The following ANKHD1 variants were observed in gnomAD, a reference collection of about 807,000 sequenced individuals.
ANKHD1 encodes ankyrin repeat and KH domain containing 1.
In ANKHD1, 31 loss-of-function variants were observed where a neutral mutation model predicts 230.5. That is an observed-to-expected ratio of 0.13 (90% CI 0.10 to 0.18). The LOEUF is 0.18. ANKHD1 is among the 10% of genes least tolerant of loss of function. The pLI, the probability that ANKHD1 is intolerant of heterozygous loss-of-function variation, is 1.00. For missense variants in ANKHD1, 2,256 were observed against 3,071.3 expected (o/e 0.73, Z 6.27); for synonymous variants, 1,074 against 1,117.6 (o/e 0.96, Z 0.78).
At chr5:140,501,079 T>A (rs896678681) in intron 15 of ANKHD1, among the ~76,000 whole-genome samples, 9 of 151,602 alleles carry the variant, frequency 5.9e-5, no homozygotes, top group African/African-American at 2.2e-4. Flanking sequence ...TTGACTTTAA[T>A]ATTTTATTTA....
chr5:140,427,195 G>A (rs1435774386), intron 1 of ANKHD1, among the ~76,000 whole-genome samples: 1 of 149,542 alleles, frequency 6.7e-6, no homozygotes, highest in Admixed American at 6.6e-5. Context: ...CGGGCAGAGG[G>A]GCTCCTCACT....
intron 10 of ANKHD1, among the ~76,000 whole-genome samples, chr5:140,479,061 C>T (rs1248363652): frequency 2.6e-5 from 4 of 151,354 alleles, no homozygotes; most frequent in African/African-American, 7.3e-5. Flanking sequence ...TGCAGTGGCA[C>T]GATCTTGGCT....
intron 5 of ANKHD1, among the ~76,000 whole-genome samples, chr5:140,442,429 G>A (rs1430138612): frequency 6.6e-6 from 1 of 152,026 alleles, no homozygotes; most frequent in Non-Finnish European, 1.5e-5. Flanking sequence ...GGGGGAGGGA[G>A]GAGGGGATGT....
chr5:140,493,808 A>G (rs988009743), intron 14 of ANKHD1, among the ~76,000 whole-genome samples: 11 of 152,104 alleles, frequency 7.2e-5, no homozygotes, highest in African/African-American at 2.7e-4. Context: ...CTTGTGTTCC[A>G]CGCTTCTTGC....
rs762320630 is a variant in ANKHD1 at position 140,496,780 on chromosome 5, A to G, written c.2506A>G (p.Lys836Glu). Residue 836 changes from lysine (K) to glutamate (E), a missense_variant, in exon 15 of 34, where the codon AAA (lysine) becomes GAA (glutamate). By Grantham distance (56) the Lys-to-Glu change is moderately conservative (BLOSUM62 1). Transcript: ENST00000360839. ...EQVQKKKKIL[K>E]ELQKVERQLQ... Reference sequence around the variant, plus strand: ...AGTCCAGAAGAAGAAGAAAATATTGAAAGAACTGCAGAAAGTGGAAAGGCA... The same window carrying G: ...AGTCCAGAAGAAGAAGAAAATATTGGAAGAACTGCAGAAAGTGGAAAGGCA... 1 of 1,614,002 alleles carries G rather than the reference A, an allele frequency of 6.2e-7. No homozygotes were observed. Among genetic ancestry groups the G allele is most frequent in the Non-Finnish European group, 8.5e-7 (1 of 1,180,002 alleles).
At chr5:140,486,587 G>A (rs1452364408) in intron 13 of ANKHD1, 10 of 154,002 alleles carry the variant, frequency 6.5e-5, no homozygotes, top group Non-Finnish European at 8.7e-5. Context: ...CCCAATTGAA[G>A]AAATATATTA....
intron 14 of ANKHD1, among the ~76,000 whole-genome samples, chr5:140,494,432 T>G (rs1751937239): frequency 6.6e-6 from 1 of 152,096 alleles, no homozygotes; most frequent in South Asian, 2.1e-4. Flanking sequence ...CATAGCAAGA[T>G]CCCATCTCTT....
At chr5:140,534,944 G>T (rs1056541864) in intron 29 of ANKHD1, among the ~76,000 whole-genome samples, 1 of 152,218 alleles carries the variant, frequency 6.6e-6, no homozygotes, top group Non-Finnish European at 1.5e-5. Context: ...TATAGAAAAT[G>T]ACTATAGTTA....
chr5:140,436,168 T>G lies in ANKHD1; in HGVS notation c.371T>G (p.Ile124Arg). 6.2e-7 allele frequency: 1 copy of G among 1,610,282 alleles called. No homozygotes were observed. The highest frequency in any genetic ancestry group is 8.5e-7 in the Non-Finnish European group (1 of 1,178,292). ...CCAGTGCTTAAAACAACATCAGAGA[T>G]ATTCTTATCAAGTACTGCAGAAGGA... ...DNPVLKTTSE[I>R]FLSSTAEGAD... is the part of the protein sequence containing the mutation. The change falls in exon 2 of 34, where the codon ATA (isoleucine) becomes AGA (arginine). Residue 124 changes from isoleucine (I) to arginine (R), a missense_variant. Around this residue, in one of 13 missense-constraint regions of ANKHD1, gnomAD observed 193 missense variants for 185.8 expected, o/e 1.04. Coordinates refer to ENST00000360839, the MANE Select transcript of ANKHD1 (RefSeq NM_017747.3).
Position 140,485,801 on chromosome 5 carries a change from A to T in ANKHD1, c.2142+69A>T. ...ACATGATTAGAAGTTTTTGTTTAAA[A>T]TCAGTTTTAAGCAAAATGGACTTGT... On this transcript the variant is annotated intron_variant, in intron 13 of 33. Transcript: ENST00000360839. The surrounding 1 kb of genome is among the most constrained non-coding windows in gnomAD (Gnocchi z 4.8). 6.3e-7 allele frequency: 1 copy of T among 1,584,130 alleles called. No individual in the cohort carries two copies. The highest frequency in any genetic ancestry group is 1.4e-5 in the African/African-American group (1 of 72,966).
chr5:140,458,658 G>A lies in ANKHD1; in HGVS notation c.1276G>A (p.Asp426Asn), dbSNP rs765283258. The change falls in exon 8 of 34, where the codon GAT (aspartate) becomes AAT (asparagine). Residue 426 changes from aspartate (D) to asparagine (N), a missense_variant. Physicochemically the swap from Asp to Asn is conservative, Grantham distance 23. Transcript: ENST00000360839. ...TGTAGAGGTGGCACGTTTGCTTTTG[G>A]ATAGTGGTGCTCAAGTGAACATGCC... ...GHVEVARLLL[D>N]SGAQVNMPAD... 2 of 1,605,336 alleles carry A rather than the reference G, an allele frequency of 1.2e-6. No individual in the cohort carries two copies. The highest frequency in any genetic ancestry group is 2.2e-5 in the South Asian group (2 of 89,854).
chr5:140,449,994 A>G (rs1485383844), intron 7 of ANKHD1, among the ~76,000 whole-genome samples: 1 of 152,202 alleles, frequency 6.6e-6, no homozygotes, highest in Non-Finnish European at 1.5e-5. Context: ...GTCACAGAGA[A>G]TAATCACCTT....
Position 140,401,945 on chromosome 5 carries a change from G to A in ANKHD1, c.-23G>A. On this transcript the variant is annotated 5_prime_UTR_variant, in exon 1 of 34. Transcript: ENST00000360839. Reference sequence around the variant, plus strand: ...CGGTGACCGCGAGTGGGTCGGCACCGTCTCCGGCTCCGGGTGCGAACAATG... The same window carrying A: ...CGGTGACCGCGAGTGGGTCGGCACCATCTCCGGCTCCGGGTGCGAACAATG... 1.3e-6 allele frequency: 2 copies of A among 1,560,378 alleles called. No homozygotes were observed. The highest frequency in any genetic ancestry group is 1.7e-6 in the Non-Finnish European group (2 of 1,158,290).
chr5:140,489,502 A>G (rs1380113169), intron 14 of ANKHD1, among the ~76,000 whole-genome samples: 1 of 152,116 alleles, frequency 6.6e-6, no homozygotes, highest in African/African-American at 2.4e-5. Context: ...TAAATAAATA[A>G]ATAACACAGA....
intron 24 of ANKHD1, 95 bp from the exon 25 acceptor site, chr5:140,523,971 C>T (rs1753485193): frequency 1.4e-6 from 2 of 1,410,076 alleles, no homozygotes; most frequent in Non-Finnish European, 1.9e-6. Context: ...AGAGTAACAT[C>T]CATGGAAATC....
chr5:140,503,866 G>A (rs1009219754), intron 15 of ANKHD1, among the ~76,000 whole-genome samples: 4 of 151,702 alleles, frequency 2.6e-5, no homozygotes, highest in Non-Finnish European at 5.9e-5. Context: ...GTGAGCCATC[G>A]CTCCTGGACT....
At chr5:140,519,480 C>A (rs545873361) in intron 24 of ANKHD1, among the ~76,000 whole-genome samples, 2 of 152,076 alleles carry the variant, frequency 1.3e-5, no homozygotes, top group East Asian at 1.9e-4. Context: ...GTCAGTCCTA[C>A]GCCAAAAGAA....
chr5:140,500,665 A>AAAAAAG (rs748025095), intron 15 of ANKHD1, among the ~76,000 whole-genome samples: 35,257 of 112,242 alleles, frequency 0.31, 6,230 homozygotes, highest in East Asian at 0.42. Context: ...AAAAAAAAAA[A>AAAAAAG]AAAAGAAAAG....
At chr5:140,417,312 G>A (rs193088007) in intron 1 of ANKHD1, among the ~76,000 whole-genome samples, 1 of 151,584 alleles carries the variant, frequency 6.6e-6, no homozygotes, top group East Asian at 1.9e-4. Flanking sequence ...TGAACCTGTA[G>A]TTATCATTAT....
Sources: gnomAD v4.1 joint callset for allele counts (sites outside exome capture counted in the v4.1 genomes callset) on GRCh38, gnomAD v4.1.1 for gene constraint, gnomAD v4.1.1 regional missense constraint, Gnocchi (gnomAD v3.1) non-coding constraint, MANE v1.5 for transcripts, NCBI Gene and HGNC (gene_info 2026-07-23, HGNC 2026-07-21) for gene names.